The following PLXNA2 variants were observed in gnomAD, a reference collection of about 807,000 sequenced individuals.
PLXNA2 encodes the protein plexin A2, also known as plexin-A2.
A neutral mutation model predicts 193.5 loss-of-function variants in PLXNA2; 91 were observed. The observed-to-expected ratio is 0.47, with a 90% CI of 0.40 to 0.56. The LOEUF (loss-of-function observed/expected upper bound fraction) is 0.56, where lower values mean the gene tolerates loss of function less well. Among genes scored for constraint, PLXNA2 ranks in the 20% least tolerant of loss-of-function variants. PLXNA2 has a pLI of 0.00. For synonymous variants in PLXNA2, 997 were observed against 1,027.3 expected (o/e 0.97, Z 0.56); for missense variants, 1,995 against 2,503.2 (o/e 0.80, Z 4.33).
At chr1:208,066,049 TGA>T (rs1463148765) in intron 12 of PLXNA2, among the ~76,000 whole-genome samples, 1 of 151,402 alleles carries the variant, frequency 6.6e-6, no homozygotes, top group African/African-American at 2.4e-5. Context: ...TGTGTGTGTG[TGA>T]GTGAGTGTGT....
chr1:208,192,657 T>A (rs942620735), intron 3 of PLXNA2, among the ~76,000 whole-genome samples: 4 of 151,820 alleles, frequency 2.6e-5, no homozygotes, highest in African/African-American at 9.7e-5. Context: ...GAGGCCAAGG[T>A]GGGCAGATCA....
At chr1:208,146,667 T>A (rs1668610895) in intron 3 of PLXNA2, among the ~76,000 whole-genome samples, 2 of 152,048 alleles carry the variant, frequency 1.3e-5, no homozygotes, top group Admixed American at 1.3e-4. Context: ...AAGAGTGGGA[T>A]TTTAATAGCC....
intron 4 of PLXNA2, among the ~76,000 whole-genome samples, chr1:208,117,566 T>C (rs559316731): frequency 1.3e-5 from 2 of 152,258 alleles, no homozygotes; most frequent in South Asian, 4.1e-4. Context: ...AAGAGGACAG[T>C]GTCCAGTCAA....
intron 3 of PLXNA2, among the ~76,000 whole-genome samples, chr1:208,145,657 G>C (rs1244932553): frequency 6.6e-6 from 1 of 152,140 alleles, no homozygotes; most frequent in Admixed American, 6.5e-5. Flanking sequence ...AGCTGGAGTT[G>C]AACCAAAGAC....
chr1:208,082,455 C>T lies in PLXNA2; in HGVS notation c.2352G>A (p.Val784=), dbSNP rs1262922243. Residue 784 remains valine, a synonymous_variant, in exon 11 of 32, where the codon GTG becomes GTA. Transcript: ENST00000367033. The surrounding 1 kb of genome is among the most constrained non-coding windows in gnomAD (Gnocchi z 4.2). ...TGTCAATGATGAAATTGCCGTTCCA[C>T]ACCACAGCGAAATCCACGGCCAGAT... ...ISNLAVDFAV[V]WNGNFIIDNP... is the part of the protein sequence containing the mutation. The T allele has an allele frequency of 6.2e-7, 1 of 1,614,164 alleles. No individual in the cohort carries two copies. The highest frequency in any genetic ancestry group is 1.7e-5 in the Admixed American group (1 of 60,028).
chr1:208,080,495 A>T (rs1475595569), intron 11 of PLXNA2, among the ~76,000 whole-genome samples: 1 of 152,188 alleles, frequency 6.6e-6, no homozygotes, highest in African/African-American at 2.4e-5. Context: ...TCTTTTGGTC[A>T]AGCACATGTA....
chr1:208,155,861 C>T (rs1668924473), intron 3 of PLXNA2, among the ~76,000 whole-genome samples: 1 of 152,168 alleles, frequency 6.6e-6, no homozygotes, highest in Non-Finnish European at 1.5e-5. Flanking sequence ...CTTGCTATAG[C>T]CTGGAGGCTG....
chr1:208,222,471 C>T (rs1036742382), intron 1 of PLXNA2, among the ~76,000 whole-genome samples: 6 of 152,200 alleles, frequency 3.9e-5, no homozygotes, highest in African/African-American at 7.2e-5. Context: ...GGAGAGGCCA[C>T]GCTTGCCTCT....
At chr1:208,041,703 G>A (rs570869901) in intron 22 of PLXNA2, among the ~76,000 whole-genome samples, 12 of 152,294 alleles carry the variant, frequency 7.9e-5, no homozygotes, top group Non-Finnish European at 1.3e-4. Flanking sequence ...CCGCTGTGCC[G>A]GACAGCACAG....
In PLXNA2 at chr1:208,119,834, C is replaced by T. The variant is rs193048165; in HGVS notation, c.1507-16587G>A. 2.3e-3 allele frequency among the ~76,000 whole-genome samples: 315 copies of T among 138,642 alleles called. 6 individuals carry two copies. Among genetic ancestry groups the T allele is most frequent in the Admixed American group, 0.015 (205 of 13,266 alleles). 91.0% of individuals were successfully genotyped at this position (138,642 alleles called of 152,430 possible). ...TTCACCATGTTGGCCAGGCTGGTTT[C>T]GAACTCCTGATCTCAAGTGATCCAC... is the stretch of plus-strand genomic sequence containing the variant. On this transcript the variant is annotated intron_variant, in intron 4 of 31. Transcript: ENST00000367033.
In PLXNA2 at chr1:208,031,421, C is replaced by T. The variant is rs775440615; in HGVS notation, c.5225+169G>A. 12 of 1,314,852 alleles carry T rather than the reference C, an allele frequency of 9.1e-6. No individual in the cohort carries two copies. In the East Asian group the frequency reaches 2.1e-4, roughly 23 times the overall value. The allele number at this position is 1,314,852 out of a possible 1,614,324, so 81.4% of individuals were successfully genotyped here. A position where few individuals can be genotyped will look rare whatever the true frequency, so the allele number is the denominator to read the frequency against. On this transcript the variant is annotated intron_variant, in intron 29 of 31. Transcript: ENST00000367033. The stretch of plus-strand genomic sequence containing the variant: ...CCACTTGGCACAGGCAGCTGGGGAC[C>T]GTGTGGGCTCTGCAGAGCATATGTG...
At position 208,210,488 on chromosome 1, in the gene PLXNA2, G is replaced by T. The variant is rs59967239; in HGVS notation, c.1189-26C>A. ...CTGGAGGGAAGCGGAAGGAATTGGG[G>T]TGAGTAACAGTGGAGGCATGGTGAA... On this transcript the variant is annotated intron_variant, in intron 2 of 31. Transcript: ENST00000367033. 480 of 1,585,922 alleles carry T rather than the reference G, an allele frequency of 3.0e-4. 3 individuals carry two copies. In the Middle Eastern group the frequency reaches 3.9e-3, roughly 13 times the overall value.
intron 4 of PLXNA2, among the ~76,000 whole-genome samples, chr1:208,110,771 AG>A (rs1213859297): frequency 6.6e-6 from 1 of 152,196 alleles, no homozygotes; most frequent in Admixed American, 6.5e-5. Context: ...AGACAGACAG[AG>A]GCAAGGACTG....
rs764412969 is a variant in PLXNA2 at position 208,142,422 on chromosome 1, C to T, written c.1413G>A (p.Glu471=). The change falls in exon 4 of 32, where the codon GAG becomes GAA. Residue 471 remains glutamate (E), a synonymous_variant. Coordinates refer to ENST00000367033, the MANE Select transcript of PLXNA2 (RefSeq NM_025179.4). ...TTCCGTCCTTGAGCACAGAGACCAT[C>T]TCGTACTGGACCCCACCATGGGGGG... is the stretch of plus-strand genomic sequence containing the variant. The part of the protein sequence containing the change: ...DGPPHGGVQY[E]MVSVLKDGSP... 98 of 1,613,522 alleles carry T rather than the reference C, an allele frequency of 6.1e-5. 2 individuals carry two copies. In the Admixed American group the frequency reaches 1.6e-3, roughly 26 times the overall value.
intron 2 of PLXNA2, among the ~76,000 whole-genome samples, chr1:208,212,363 A>G (rs1224103063): frequency 1.3e-5 from 2 of 152,148 alleles, no homozygotes; most frequent in African/African-American, 4.8e-5. Context: ...AGTGTTTTGT[A>G]GAGAGCTGCT....
intron 4 of PLXNA2, among the ~76,000 whole-genome samples, chr1:208,118,846 G>A (rs945057279): frequency 5.3e-5 from 8 of 151,846 alleles, no homozygotes; most frequent in Admixed American, 1.3e-4. Context: ...TGCCGGGTCC[G>A]GTGGAAAAAA....
rs372249294 is a variant in PLXNA2, at chr1:208,038,516, G to A, written c.4661-42C>T. 161 of 1,462,882 alleles carry A rather than the reference G, an allele frequency of 1.1e-4. No homozygotes were observed. In the African/African-American group the frequency reaches 1.9e-3, roughly 17 times the overall value. The allele number at this position is 1,462,882 out of a possible 1,614,324, so 90.6% of individuals were successfully genotyped here. A position where few individuals can be genotyped will look rare whatever the true frequency, so the allele number is the denominator to read the frequency against. Reference sequence around the variant, plus strand: ...GTGCAGGGAGCGGCGTGAGAGGGATGAGGGCTGTGAGCCAGTGTCTCCCGA... The same window carrying A: ...GTGCAGGGAGCGGCGTGAGAGGGATAAGGGCTGTGAGCCAGTGTCTCCCGA... On this transcript the variant is annotated intron_variant, in intron 25 of 31. Transcript: ENST00000367033. This position sits in a 1 kb window ranked among gnomAD's most constrained non-coding sequence, Gnocchi z 4.1.
intron 3 of PLXNA2, among the ~76,000 whole-genome samples, chr1:208,152,365 C>T (rs1668791924): frequency 6.6e-6 from 1 of 152,154 alleles, no homozygotes; most frequent in South Asian, 2.1e-4. Context: ...ATCTCTCTTC[C>T]CATTGCTAGT....
chr1:208,221,042 C>T (rs1490751123), intron 1 of PLXNA2, among the ~76,000 whole-genome samples: 1 of 152,108 alleles, frequency 6.6e-6, no homozygotes, highest in Non-Finnish European at 1.5e-5. Context: ...GAGAGTTAGA[C>T]TGAGAATGAG....
Sources: gnomAD v4.1 joint callset for allele counts (sites outside exome capture counted in the v4.1 genomes callset) on GRCh38, gnomAD v4.1.1 for gene constraint, Gnocchi (gnomAD v3.1) non-coding constraint, MANE v1.5 for transcripts, NCBI Gene and HGNC (gene_info 2026-07-23, HGNC 2026-07-21) for gene names.